GSG1L: variants seen among roughly 807,000 people sequenced by gnomAD.
GSG1L encodes germ cell-specific gene 1-like protein.
Under a neutral mutation model 42.1 loss-of-function variants are expected in GSG1L, and 24 were observed. The observed-to-expected ratio is 0.57, with a 90% confidence interval of 0.41 to 0.80. The LOEUF (loss-of-function observed/expected upper bound fraction) is 0.80, where lower values mean the gene tolerates loss of function less well. Ranked by LOEUF, GSG1L falls within the 30% of genes least tolerant of loss-of-function variation. The probability of loss-of-function intolerance (pLI) is 0.00; values close to 1 mark genes in which losing one functional copy is unlikely to be tolerated. For synonymous variants in GSG1L, 215 were observed against 203.5 expected, an observed-to-expected ratio of 1.06 and a Z score of -0.48; for missense variants, 445 against 472.2, an observed-to-expected ratio of 0.94 and a Z score of 0.53.
At chr16:27,851,982 C>T (rs937037173) in intron 3 of GSG1L, among the ~76,000 whole-genome samples, 2 of 152,192 alleles carry the variant, frequency 1.3e-5, no homozygotes, top group Non-Finnish European at 2.9e-5. Context: ...GGTGACAACC[C>T]CAAATCCAGG....
chr16:27,820,037 C>T (rs371703479), intron 5 of GSG1L, among the ~76,000 whole-genome samples: 3 of 152,094 alleles, frequency 2.0e-5, no homozygotes, highest in Admixed American at 6.5e-5. Context: ...GAAGAAGCAG[C>T]GGCATCTGTC....
At chr16:27,933,370 A>G (rs1034649222) in intron 2 of GSG1L, among the ~76,000 whole-genome samples, 2 of 152,080 alleles carry the variant, frequency 1.3e-5, no homozygotes, top group Non-Finnish European at 2.9e-5. Context: ...GTGAAGGCCA[A>G]GTGTGGTTGC....
At chr16:28,008,479 G>A (rs2085671667) in intron 1 of GSG1L, among the ~76,000 whole-genome samples, 1 of 152,200 alleles carries the variant, frequency 6.6e-6, no homozygotes, top group South Asian at 2.1e-4. Flanking sequence ...ATGACACCTG[G>A]CCAAGGCTGC....
intron 2 of GSG1L, among the ~76,000 whole-genome samples, chr16:27,951,416 G>T (rs1234651517): frequency 6.6e-6 from 1 of 152,168 alleles, no homozygotes; most frequent in Non-Finnish European, 1.5e-5. Context: ...AAGAATCACA[G>T]CTTCCATGTT....
chr16:28,008,563 C>T (rs911499066), intron 1 of GSG1L, among the ~76,000 whole-genome samples: 3 of 152,174 alleles, frequency 2.0e-5, no homozygotes, highest in Non-Finnish European at 4.4e-5. Flanking sequence ...TGCCTCCCCT[C>T]TCACTCCCTT....
At chr16:27,919,878 T>C (rs2084504619) in intron 2 of GSG1L, among the ~76,000 whole-genome samples, 1 of 152,236 alleles carries the variant, frequency 6.6e-6, no homozygotes, top group African/African-American at 2.4e-5. Context: ...CAATGCTTAT[T>C]TATCATCCTG....
At chr16:27,841,106 A>C in intron 4 of GSG1L, among the ~76,000 whole-genome samples, 1 of 152,246 alleles carries the variant, frequency 6.6e-6, no homozygotes, top group East Asian at 1.9e-4. Context: ...CAACAGAGAA[A>C]TGGAATACAA....
At chr16:28,050,815 A>G (rs1272111904) in intron 1 of GSG1L, among the ~76,000 whole-genome samples, 1 of 152,178 alleles carries the variant, frequency 6.6e-6, no homozygotes, top group Non-Finnish European at 1.5e-5. Flanking sequence ...CTGGTGACAT[A>G]TAAGCCACCA....
chr16:27,822,611 G>T (rs566409220), intron 5 of GSG1L, among the ~76,000 whole-genome samples: 6 of 152,056 alleles, frequency 3.9e-5, no homozygotes, highest in Non-Finnish European at 7.4e-5. Flanking sequence ...TAGAGACAGG[G>T]TCTTGCTATG....
intron 5 of GSG1L, chr16:27,823,943 TACAC>T: frequency 1.4e-6 from 1 of 702,818 alleles, no homozygotes. Context: ...CAATAACACT[TACAC>T]ATAGAAAGGC....
At chr16:27,988,274 A>G (rs1034853385) in intron 1 of GSG1L, among the ~76,000 whole-genome samples, 5 of 147,376 alleles carry the variant, frequency 3.4e-5, no homozygotes, top group Admixed American at 6.6e-5. Context: ...TAAGCTTACT[A>G]GGAGTTGAAA....
chr16:27,861,898 C>G (rs2083657309), intron 3 of GSG1L, among the ~76,000 whole-genome samples: 1 of 152,184 alleles, frequency 6.6e-6, no homozygotes, highest in South Asian at 2.1e-4. Flanking sequence ...AATGCCAAAG[C>G]AGATTCATCC....
chr16:27,954,032 A>G (rs1399959515), intron 2 of GSG1L, among the ~76,000 whole-genome samples: 1 of 152,210 alleles, frequency 6.6e-6, no homozygotes, highest in Non-Finnish European at 1.5e-5. Context: ...AAGAAGGGTC[A>G]AGTGTTTTCT....
At chr16:27,840,033 T>C (rs1029019252) in intron 4 of GSG1L, among the ~76,000 whole-genome samples, 1 of 14,760 alleles carries the variant, frequency 6.8e-5, no homozygotes, top group African/African-American at 5.7e-4. Flanking sequence ...AACCTTAATC[T>C]TTTTTTTTTT....
intron 1 of GSG1L, among the ~76,000 whole-genome samples, chr16:27,963,928 T>C (rs1262393853): frequency 2.0e-5 from 3 of 152,130 alleles, no homozygotes; most frequent in African/African-American, 7.2e-5. Context: ...AAAGAGAGTG[T>C]ACTGACCGCC....
At chr16:28,032,532 G>A (rs2085977477) in intron 1 of GSG1L, among the ~76,000 whole-genome samples, 1 of 152,186 alleles carries the variant, frequency 6.6e-6, no homozygotes, top group South Asian at 2.1e-4. Flanking sequence ...ACACTTCTGG[G>A]CTCTGAGATG....
intron 5 of GSG1L, among the ~76,000 whole-genome samples, chr16:27,808,085 TC>T (rs2082989289): frequency 6.7e-6 from 1 of 149,864 alleles, no homozygotes; most frequent in South Asian, 2.1e-4. Context: ...AGCATTTCCC[TC>T]CCCTCCGCCC....
chr16:27,910,992 G>A (rs2084380797), intron 2 of GSG1L, among the ~76,000 whole-genome samples: 1 of 152,074 alleles, frequency 6.6e-6, no homozygotes, highest in Admixed American at 6.5e-5. Flanking sequence ...CAGCCTGGGT[G>A]ACAGAGCAAG....
chr16:27,978,760 GT>G (rs536494521), intron 1 of GSG1L, among the ~76,000 whole-genome samples: 201 of 148,228 alleles, frequency 1.4e-3, no homozygotes, highest in African/African-American at 4.2e-3. Context: ...GTAAATAATG[GT>G]TTTTTTTTTT....
Sources: allele counts gnomAD v4.1 joint callset (sites outside exome capture counted in the v4.1 genomes callset), GRCh38; gene constraint gnomAD v4.1.1; transcripts MANE v1.5; gene names NCBI Gene and HGNC (gene_info 2026-07-23, HGNC 2026-07-21).